Variants in ATP8A1 observed in about 807,000 individuals in gnomAD.
The protein encoded by ATP8A1 is phospholipid-transporting ATPase IA.
ATP8A1 carries 90 observed loss-of-function variants against 177.7 expected under a neutral mutation model. That is an observed-to-expected ratio of 0.51 (90% CI 0.43 to 0.60). The LOEUF (loss-of-function observed/expected upper bound fraction) is 0.60, where lower values mean the gene tolerates loss of function less well. Ranked by LOEUF, ATP8A1 falls within the 20% of genes least tolerant of loss-of-function variation. ATP8A1 has a pLI of 0.00. For missense variants in ATP8A1, 1,072 were observed against 1,392.8 expected, an observed-to-expected ratio of 0.77 and a Z score of 3.67; for synonymous variants, 493 against 485.9, an observed-to-expected ratio of 1.01 and a Z score of -0.19.
chr4:42,597,758 C>T lies in ATP8A1; in HGVS notation c.450+2720G>A, dbSNP rs78726209. On this transcript the variant is annotated intron_variant, in intron 6 of 36. Transcript: ENST00000381668. The stretch of plus-strand genomic sequence containing the variant: ...TTCTTGGGATAAATTTCCAGAATCC[C>T]GTTTTCACAGTTCTCAATATAAATA... Among the ~76,000 whole-genome samples the T allele has an allele frequency of 6.8e-4, 104 of 152,142 alleles. 1 individual carries two copies. In the East Asian group the frequency reaches 0.015, roughly 21 times the overall value.
chr4:42,569,313 G>A, intron 14 of ATP8A1, 108 bp from the exon 15 acceptor site: 1 of 745,756 alleles, frequency 1.3e-6, no homozygotes, highest in Non-Finnish European at 2.1e-6. Context: ...TCACTGAAAA[G>A]TTAACAAAAT....
rs150256126 is a variant in ATP8A1 at position 42,639,135 on chromosome 4, C to T, written c.50-12026G>A. On this transcript the variant is annotated intron_variant, in intron 1 of 36. Transcript: ENST00000381668. ...GTAATTGTGGAAGGCCCTGACAAGG[C>T]GGGGAGGTGGTCAGGGAGGGTTGAA... Among the ~76,000 whole-genome samples the T allele has an allele frequency of 4.4e-3, 662 of 152,148 alleles. 7 individuals carry two copies. The highest frequency in any genetic ancestry group is 0.017 in the Middle Eastern group (5 of 294).
chr4:42,477,242 T>C (rs893243667), intron 25 of ATP8A1, among the ~76,000 whole-genome samples: 2 of 152,218 alleles, frequency 1.3e-5, no homozygotes, highest in Admixed American at 1.3e-4. Flanking sequence ...TCCTGTGAGA[T>C]GTTCAACCTC....
intron 33 of ATP8A1, among the ~76,000 whole-genome samples, chr4:42,433,314 T>A (rs1057103767): frequency 3.9e-5 from 6 of 152,206 alleles, no homozygotes; most frequent in African/African-American, 1.4e-4. Flanking sequence ...ATTATGAGCA[T>A]AACAGCTAGC....
At chr4:42,553,907 A>T (rs781136434) in intron 16 of ATP8A1, among the ~76,000 whole-genome samples, 14 of 152,170 alleles carry the variant, frequency 9.2e-5, no homozygotes, top group Non-Finnish European at 2.1e-4. Flanking sequence ...TTTTAGCCTC[A>T]TGAAGAATTG....
chr4:42,525,354 A>C (rs1726570485), intron 20 of ATP8A1, among the ~76,000 whole-genome samples: 1 of 152,172 alleles, frequency 6.6e-6, no homozygotes, highest in Non-Finnish European at 1.5e-5. Context: ...GAATCACAGA[A>C]CTTTTTAGGG....
intron 24 of ATP8A1, among the ~76,000 whole-genome samples, chr4:42,490,869 T>C (rs1366522848): frequency 6.6e-6 from 1 of 152,208 alleles, no homozygotes; most frequent in Non-Finnish European, 1.5e-5. Context: ...TTATACAAGG[T>C]AGCATGATGT....
At chr4:42,569,106 T>C (rs1255769217) in intron 15 of ATP8A1, 55 bp downstream of exon 15, 4 of 1,260,438 alleles carry the variant, frequency 3.2e-6, no homozygotes, top group Non-Finnish European at 1.1e-6. Flanking sequence ...TACAAAACAA[T>C]AAAATGCAAA....
Position 42,553,158 on chromosome 4 carries a change from TACAAG to T in ATP8A1, c.1414-553_1414-549del, listed in dbSNP as rs368596199. Among the ~76,000 whole-genome samples, 67 of 152,362 alleles carry T rather than the reference TACAAG, an allele frequency of 4.4e-4. 1 individual carries two copies. In the South Asian group the frequency reaches 0.013, roughly 29 times the overall value. On this transcript the variant is annotated intron_variant, in intron 16 of 36. Coordinates refer to ENST00000381668, the MANE Select transcript of ATP8A1 (RefSeq NM_006095.2). The stretch of plus-strand genomic sequence containing the variant: ...CTTTCATTCCTTTTCTAAACATTTA[TACAAG>T]ACAACTTGGTGTTGTCAAATAGAAA...
At chr4:42,623,631 A>G (rs1737727095) in intron 4 of ATP8A1, among the ~76,000 whole-genome samples, 1 of 152,184 alleles carries the variant, frequency 6.6e-6, no homozygotes, top group African/African-American at 2.4e-5. Flanking sequence ...TCTCACTTGT[A>G]AATGGGAGTA....
Position 42,657,040 on chromosome 4 carries a change from CAGG to C in ATP8A1, c.-170_-168del, listed in dbSNP as rs1741716149. 6.6e-6 allele frequency: 4 copies of C among 609,470 alleles called. No homozygotes were observed. The highest frequency in any genetic ancestry group is 8.0e-5 in the South Asian group (1 of 12,498). 37.8% of individuals were successfully genotyped at this position (609,470 alleles called of 1,614,324 possible). A position where few individuals can be genotyped will look rare whatever the true frequency, so the allele number is the denominator to read the frequency against. On this transcript the variant is annotated 5_prime_UTR_variant, in exon 1 of 37. Coordinates refer to ENST00000381668, the MANE Select transcript of ATP8A1 (RefSeq NM_006095.2). ...GCCGGGCGCGGCCCCCGCACGCCGA[CAGG>C]AGGAGGAGAAAGGCAGCGGTGGCGG...
At chr4:42,613,849 G>C (rs1243896009) in intron 5 of ATP8A1, among the ~76,000 whole-genome samples, 1 of 151,768 alleles carries the variant, frequency 6.6e-6, no homozygotes, top group Admixed American at 6.6e-5. Context: ...CTCCCAAAGG[G>C]CTGGAATTAC....
intron 20 of ATP8A1, among the ~76,000 whole-genome samples, chr4:42,533,867 A>C (rs1298626586): frequency 6.6e-6 from 1 of 152,188 alleles, no homozygotes; most frequent in Admixed American, 6.5e-5. Flanking sequence ...GACACTCCCC[A>C]GGACCAGCCC....
intron 24 of ATP8A1, among the ~76,000 whole-genome samples, chr4:42,490,888 TTATC>T (rs1402849366): frequency 6.6e-6 from 1 of 152,202 alleles, no homozygotes; most frequent in Non-Finnish European, 1.5e-5. Flanking sequence ...GTTGAGTAGC[TTATC>T]TATTTATATG....
At chr4:42,522,633 G>A (rs969929906) in intron 21 of ATP8A1, among the ~76,000 whole-genome samples, 7 of 152,082 alleles carry the variant, frequency 4.6e-5, no homozygotes, top group South Asian at 2.1e-4. Context: ...CCCAAAGCAC[G>A]GCTTATACAT....
chr4:42,465,086 A>G lies in ATP8A1; in HGVS notation c.2325-10T>C, dbSNP rs1312799383. On this transcript the variant is annotated splice_polypyrimidine_tract_variant and intron_variant, in intron 25 of 36. Transcript: ENST00000381668. The stretch of plus-strand genomic sequence containing the variant: ...TTGAAGAGGAGAAACCCTGAAATTG[A>G]AACACATTATCAATTACTGTTTTCT... The G allele has an allele frequency of 4.4e-6, 7 of 1,607,004 alleles. No homozygotes were observed. The highest frequency in any genetic ancestry group is 6.0e-6 in the Non-Finnish European group (7 of 1,175,040).
Position 42,409,236 on chromosome 4 carries a change from C to T in ATP8A1, c.*3680G>A, listed in dbSNP as rs539026327. 1 of 152,292 alleles carries T rather than the reference C, an allele frequency of 6.6e-6. No individual in the cohort carries two copies. Among genetic ancestry groups the T allele is most frequent in the African/African-American group, 2.4e-5 (1 of 41,570 alleles). 9.4% of individuals were successfully genotyped at this position (152,292 alleles called of 1,614,324 possible). A position where few individuals can be genotyped will look rare whatever the true frequency, so the allele number is the denominator to read the frequency against. On this transcript the variant is annotated 3_prime_UTR_variant, in exon 37 of 37. Coordinates refer to ENST00000381668, the MANE Select transcript of ATP8A1 (RefSeq NM_006095.2). ...AACCATAAACCTATCAAAAACACAG[C>T]TGTTCTCATACAGAAAGTAAATCAA...
At chr4:42,528,517 T>C (rs1045347176) in intron 20 of ATP8A1, among the ~76,000 whole-genome samples, 1 of 151,914 alleles carries the variant, frequency 6.6e-6, no homozygotes, top group African/African-American at 2.4e-5. Flanking sequence ...GTGACTCCAA[T>C]TGTAGCTGCT....
rs752128867 is a variant in ATP8A1 at position 42,465,023 on chromosome 4, T to C, written c.2378A>G (p.Lys793Arg). Reference protein sequence around the residue: ...EVVEMVKKQVKVVTLAIGDGA... With the variant: ...EVVEMVKKQVRVVTLAIGDGA... ...ATCACCGATTGCAAGCGTTACGACT[T>C]TGACTTGTTTCTTAACCATCTCAAC... Residue 793 changes from lysine to arginine, a missense_variant, in exon 26 of 37, where the codon AAA becomes AGA. Coordinates refer to ENST00000381668, the MANE Select transcript of ATP8A1 (RefSeq NM_006095.2). The C allele has an allele frequency of 1.4e-5, 23 of 1,614,064 alleles. No individual in the cohort carries two copies. Among genetic ancestry groups the C allele is most frequent in the Admixed American group, 1.7e-5 (1 of 60,012 alleles).
Sources: allele counts gnomAD v4.1 joint callset (sites outside exome capture counted in the v4.1 genomes callset), GRCh38; gene constraint gnomAD v4.1.1; transcripts MANE v1.5; gene names NCBI Gene and HGNC (gene_info 2026-07-23, HGNC 2026-07-21).